Variants in CHM observed in about 807,000 individuals in gnomAD.
CHM encodes CHM Rab escort protein, also known as rab proteins geranylgeranyltransferase component A 1.
CHM carries 10 observed loss-of-function variants against 49.0 expected under a neutral mutation model. That is an observed-to-expected ratio of 0.20 (90% CI 0.13 to 0.35). CHM has a LOEUF of 0.35. Ranked by LOEUF, CHM falls within the 10% of genes least tolerant of loss-of-function variation. The pLI is 1.00. For synonymous variants in CHM, 184 were observed against 167.5 expected (o/e 1.10, Z -0.76); for missense variants, 455 against 478.4 (o/e 0.95, Z 0.46).
At position 86,026,470 on chromosome X, in the gene CHM, T is replaced by A. The variant is rs143413699; in HGVS notation, c.116+1021A>T. The stretch of plus-strand genomic sequence containing the variant: ...TTCTAACATGTAAACCCATGATATG[T>A]CAAAAAGACTGAATTGAGAGATTAA... On this transcript the variant is annotated intron_variant, in intron 2 of 14. Transcript: ENST00000357749. Among the ~76,000 whole-genome samples, 7 of 110,364 alleles carry A rather than the reference T, an allele frequency of 6.3e-5. No individual in the cohort carries two copies. In the East Asian group the frequency reaches 2.0e-3, roughly 32 times the overall value.
At chrX:85,990,343 T>C (rs1160436407) in intron 2 of CHM, among the ~76,000 whole-genome samples, 1 of 111,096 alleles carries the variant, frequency 9.0e-6, no homozygotes, top group Non-Finnish European at 1.9e-5. Context: ...TACTTGAGGG[T>C]GAGAGGAGGA....
chrX:85,906,015 T>C (rs1220163691), intron 9 of CHM, among the ~76,000 whole-genome samples: 1 of 112,001 alleles, frequency 8.9e-6, no homozygotes, highest in African/African-American at 3.2e-5. Flanking sequence ...TGTAAGTTCC[T>C]TAGAACAAAG....
chrX:85,956,532 T>C (rs1389692993), intron 7 of CHM, among the ~76,000 whole-genome samples, 154 bp from the exon 8 acceptor site: 1 of 111,064 alleles, frequency 9.0e-6, no homozygotes, highest in Non-Finnish European at 1.9e-5. Flanking sequence ...TAGGAAAAAA[T>C]GGAAACAATC....
intron 8 of CHM, among the ~76,000 whole-genome samples, chrX:85,950,889 T>C (rs1413800725): frequency 2.7e-5 from 3 of 111,413 alleles, no homozygotes; most frequent in Admixed American, 9.6e-5. Context: ...AAAAAAGATA[T>C]CTTTGTAACT....
At chrX:85,909,154 C>G (rs1926777145) in intron 9 of CHM, among the ~76,000 whole-genome samples, 1 of 111,483 alleles carries the variant, frequency 9.0e-6, no homozygotes, top group Non-Finnish European at 1.9e-5. Context: ...GCTACACAAC[C>G]TTTACTCATG....
intron 2 of CHM, among the ~76,000 whole-genome samples, chrX:86,025,646 T>C (rs1396535877): frequency 1.0e-5 from 1 of 96,577 alleles, no homozygotes; most frequent in East Asian, 3.1e-4. Context: ...CACTGTACTA[T>C]AGTCTAGGCA....
intron 4 of CHM, among the ~76,000 whole-genome samples, chrX:85,972,907 C>T (rs760298516): frequency 4.7e-4 from 53 of 112,213 alleles, no homozygotes; most frequent in African/African-American, 1.5e-3. Context: ...ACTGCCAGCA[C>T]GCTGTCACCT....
chrX:85,956,134 A>T lies in CHM; in HGVS notation c.1166+19T>A, dbSNP rs368778402. On this transcript the variant is annotated intron_variant, in intron 8 of 14. Coordinates refer to ENST00000357749, the MANE Select transcript of CHM (RefSeq NM_000390.4). ...AGTATCACTTTTAGAAGGGACAAGA[A>T]AATCAATGGCAAACTTACCTGCAGA... The T allele has an allele frequency of 8.4e-7, 1 of 1,184,940 alleles. No homozygotes were observed. Among genetic ancestry groups the T allele is most frequent in the African/African-American group, 1.8e-5 (1 of 56,678 alleles).
intron 12 of CHM, among the ~76,000 whole-genome samples, chrX:85,893,214 T>TTATA (rs772762820): frequency 8.9e-6 from 1 of 111,926 alleles, no homozygotes; most frequent in Admixed American, 9.5e-5. Flanking sequence ...CTTCTAATAC[T>TTATA]TATAGTACAT....
intron 8 of CHM, among the ~76,000 whole-genome samples, chrX:85,938,608 T>C (rs748559351): frequency 6.1e-4 from 66 of 107,361 alleles, no homozygotes; most frequent in Admixed American, 1.1e-3. Context: ...GAGACACTAA[T>C]AGAGACACTA....
rs1396076614 is a variant in CHM at position 85,941,616 on chromosome X, C to T, written c.1166+14537G>A. 2.7e-5 allele frequency among the ~76,000 whole-genome samples: 3 copies of T among 111,334 alleles called. No individual in the cohort carries two copies. In the East Asian group the frequency reaches 8.4e-4, roughly 31 times the overall value. ...ACTATTCAACTGAAGTTGGAAAAACCTGCCACCTATTTTTAGAAATAAATT... is the reference window on the plus strand; with the variant it reads ...ACTATTCAACTGAAGTTGGAAAAACTTGCCACCTATTTTTAGAAATAAATT... On this transcript the variant is annotated intron_variant, in intron 8 of 14. Coordinates refer to ENST00000357749, the MANE Select transcript of CHM (RefSeq NM_000390.4).
At chrX:85,928,738 G>A (rs1042640892) in intron 8 of CHM, among the ~76,000 whole-genome samples, 2 of 110,986 alleles carry the variant, frequency 1.8e-5, no homozygotes, top group Non-Finnish European at 3.8e-5. Flanking sequence ...TGCCTTAACC[G>A]GAGTTTTTCC....
rs182831038 is a variant in CHM at position 85,878,920 on chromosome X, G to A, written c.1609+45C>T. On this transcript the variant is annotated intron_variant, in intron 13 of 14. Transcript: ENST00000357749. The stretch of plus-strand genomic sequence containing the variant: ...ATGATATATCTAAGAAGATTATGAT[G>A]GTTACATTACCTTTCCATCATGAGT... The A allele has an allele frequency of 9.4e-5, 87 of 920,815 alleles. No individual in the cohort carries two copies. In the East Asian group the frequency reaches 1.7e-3, roughly 18 times the overall value. The allele number at this position is 920,815 out of a possible 1,213,427, so 75.9% of individuals were successfully genotyped here. A position where few individuals can be genotyped will look rare whatever the true frequency, so the allele number is the denominator to read the frequency against.
chrX:85,957,613 G>A (rs1930068730), intron 7 of CHM, among the ~76,000 whole-genome samples: 1 of 98,355 alleles, frequency 1.0e-5, no homozygotes, highest in Non-Finnish European at 2.1e-5. Flanking sequence ...GTAGCCACAT[G>A]GGGCTATGGG....
At chrX:85,900,877 A>G (rs1926229114) in intron 10 of CHM, among the ~76,000 whole-genome samples, 168 bp from the exon 11 acceptor site, 1 of 112,094 alleles carries the variant, frequency 8.9e-6, no homozygotes, top group Non-Finnish European at 1.9e-5. Flanking sequence ...CTCATGAAAG[A>G]AGAATGCCTG....
chrX:85,878,144 T>G (rs903977956), intron 13 of CHM, among the ~76,000 whole-genome samples: 9 of 111,742 alleles, frequency 8.1e-5, no homozygotes, highest in African/African-American at 2.9e-4. Context: ...CATATACACT[T>G]TTGGGAGTTA....
chrX:85,999,377 T>C (rs1932593162), intron 2 of CHM, among the ~76,000 whole-genome samples: 1 of 111,621 alleles, frequency 9.0e-6, no homozygotes, highest in Non-Finnish European at 1.9e-5. Flanking sequence ...ATATTAAGTA[T>C]TCTCTTTTTA....
intron 1 of CHM, among the ~76,000 whole-genome samples, chrX:86,031,703 G>A (rs376323934): frequency 5.2e-4 from 31 of 59,660 alleles, no homozygotes; most frequent in African/African-American, 1.9e-3. Flanking sequence ...AGCCAGGCGC[G>A]GTGGCGCATG....
chrX:86,037,057 T>G (rs1203345839), intron 1 of CHM, among the ~76,000 whole-genome samples: 1 of 110,693 alleles, frequency 9.0e-6, no homozygotes, highest in Non-Finnish European at 1.9e-5. Context: ...TATAAATGTT[T>G]GCTGAAGACC....
Sources: gnomAD v4.1 joint callset for allele counts (sites outside exome capture counted in the v4.1 genomes callset) on GRCh38, gnomAD v4.1.1 for gene constraint, MANE v1.5 for transcripts, NCBI Gene and HGNC (gene_info 2026-07-23, HGNC 2026-07-21) for gene names.